Variants in AIG1 observed in about 807,000 individuals in gnomAD.
AIG1 encodes androgen induced 1, also known as androgen-induced gene 1 protein.
A neutral mutation model predicts 31.4 loss-of-function variants in AIG1; 23 were observed. The ratio of observed to expected loss-of-function variants is 0.73; its 90% confidence interval spans 0.53 to 1.04. AIG1 has a LOEUF of 1.04. Among genes scored for constraint, AIG1 ranks in the 50% least tolerant of loss-of-function variants. The probability of loss-of-function intolerance (pLI) is 0.00; values close to 1 mark genes in which losing one functional copy is unlikely to be tolerated. For synonymous variants in AIG1, 100 were observed against 110.5 expected, an observed-to-expected ratio of 0.90 and a Z score of 0.60; for missense variants, 274 against 295.0, an observed-to-expected ratio of 0.93 and a Z score of 0.52.
At chr6:143,316,894 C>A (rs1404294366) in intron 4 of AIG1, among the ~76,000 whole-genome samples, 1 of 151,980 alleles carries the variant, frequency 6.6e-6, no homozygotes, top group Non-Finnish European at 1.5e-5. Flanking sequence ...TGCACACAAA[C>A]TAGAAAACCT....
chr6:143,135,507 T>G (rs1217774164), intron 1 of AIG1, among the ~76,000 whole-genome samples: 1 of 152,152 alleles, frequency 6.6e-6, no homozygotes, highest in African/African-American at 2.4e-5. Context: ...TCTTAGCTTC[T>G]TTTACTCTGG....
At position 143,282,612 on chromosome 6, in the gene AIG1, G is replaced by T. The variant is rs9321896; in HGVS notation, c.400-1498G>T. On this transcript the variant is annotated intron_variant, in intron 3 of 5. Transcript: ENST00000357847. The stretch of plus-strand genomic sequence containing the variant: ...AAGATAAAAGATAAAGAAATATAAA[G>T]CTACCCAACTGTGGAATCACTCACC... Among the ~76,000 whole-genome samples, 1,199 of 152,278 alleles carry T rather than the reference G, an allele frequency of 7.9e-3. 38 individuals carry two copies. Among genetic ancestry groups the T allele is most frequent in the Admixed American group, 0.049 (749 of 15,292 alleles).
At chr6:143,201,568 C>G (rs1398454391) in intron 3 of AIG1, among the ~76,000 whole-genome samples, 2 of 152,128 alleles carry the variant, frequency 1.3e-5, no homozygotes, top group African/African-American at 4.8e-5. Flanking sequence ...ACAGGACTAT[C>G]CTCCGTGGGT....
In AIG1 at chr6:143,334,957, A is replaced by G; in HGVS notation, c.679+1512A>G. 1 of 687,832 alleles carries G rather than the reference A, an allele frequency of 1.5e-6. No individual in the cohort carries two copies. Among genetic ancestry groups the G allele is most frequent in the Non-Finnish European group, 2.2e-6 (1 of 456,412 alleles). The allele number at this position is 687,832 out of a possible 1,614,324, so 42.6% of individuals were successfully genotyped here. A position where few individuals can be genotyped will look rare whatever the true frequency, so the allele number is the denominator to read the frequency against. On this transcript the variant is annotated intron_variant, in intron 5 of 5. Transcript: ENST00000357847. This position sits in a 1 kb window ranked among gnomAD's most constrained non-coding sequence, Gnocchi z 5.1. ...TTTGAATGAGGAGTTAAAAATGAAT[A>G]ATGAAATTAAGGTTTTTTGAATGAT...
At position 143,202,825 on chromosome 6, in the gene AIG1, G is replaced by A. The variant is rs566180709; in HGVS notation, c.399+37642G>A. 1.3e-3 allele frequency among the ~76,000 whole-genome samples: 194 copies of A among 152,252 alleles called. 2 individuals carry two copies. The highest frequency in any genetic ancestry group is 2.9e-3 in the South Asian group (14 of 4,828). ...CAGCATCACAGAGGAGTGGAAGGCC[G>A]CAATCACTAGCGGAGGTGTCCCAGC... On this transcript the variant is annotated intron_variant, in intron 3 of 5. Transcript: ENST00000357847.
Position 143,258,137 on chromosome 6 carries a change from C to T in AIG1, c.400-25973C>T, listed in dbSNP as rs544780259. ...TCTAGGTATCCCTACTGACAAAGGCCGGACATTTCTCACTAGAATTAACCA... is the reference window on the plus strand; with the variant it reads ...TCTAGGTATCCCTACTGACAAAGGCTGGACATTTCTCACTAGAATTAACCA... On this transcript the variant is annotated intron_variant, in intron 3 of 5. Coordinates refer to ENST00000357847, the MANE Select transcript of AIG1 (RefSeq NM_016108.4). The surrounding 1 kb of genome is among the most constrained non-coding windows in gnomAD (Gnocchi z 4.7). Among the ~76,000 whole-genome samples, 4 of 152,098 alleles carry T rather than the reference C, an allele frequency of 2.6e-5. No homozygotes were observed. Among genetic ancestry groups the T allele is most frequent in the Non-Finnish European group, 5.9e-5 (4 of 68,034 alleles).
chr6:143,086,344 C>G lies in AIG1; in HGVS notation c.141+25278C>G, dbSNP rs1041490943. Among the ~76,000 whole-genome samples, 6 of 151,960 alleles carry G rather than the reference C, an allele frequency of 3.9e-5. No homozygotes were observed. The South Asian group carries it at 1.2e-3, about 32-fold the overall frequency. ...TAGGGCACACTTTTTTTCTTTACTA[C>G]TTCTATCTCTCTTTTTCTCTCTTTC... On this transcript the variant is annotated intron_variant, in intron 1 of 5. Transcript: ENST00000357847.
intron 2 of AIG1, among the ~76,000 whole-genome samples, chr6:143,159,252 G>C (rs1786094716): frequency 6.6e-6 from 1 of 152,234 alleles, no homozygotes; most frequent in Non-Finnish European, 1.5e-5. Flanking sequence ...GGACTTGAAG[G>C]AGCAAGACAG....
At chr6:143,116,781 C>T (rs888537367) in intron 1 of AIG1, among the ~76,000 whole-genome samples, 6 of 151,102 alleles carry the variant, frequency 4.0e-5, no homozygotes, top group African/African-American at 1.2e-4. Flanking sequence ...AGTCCAGGGG[C>T]GGCAAGTGGG....
rs1798584690 is a variant in AIG1, at chr6:143,298,348, C to T, written c.515+14123C>T. Among the ~76,000 whole-genome samples the T allele has an allele frequency of 6.6e-6, 1 of 152,212 alleles. No individual in the cohort carries two copies. Among genetic ancestry groups the T allele is most frequent in the Non-Finnish European group, 1.5e-5 (1 of 68,028 alleles). On this transcript the variant is annotated intron_variant, in intron 4 of 5. Coordinates refer to ENST00000357847, the MANE Select transcript of AIG1 (RefSeq NM_016108.4). The surrounding 1 kb of genome is among the most constrained non-coding windows in gnomAD (Gnocchi z 5.1). ...TGTTCCCCTTATTCTCCCTTTGCCA[C>T]ACAAAGTGTCTAGCCACACATGCTA...
chr6:143,284,136 A>C lies in AIG1; in HGVS notation c.426A>C (p.Leu142Phe). The C allele has an allele frequency of 6.2e-7, 1 of 1,613,938 alleles. No homozygotes were observed. The highest frequency in any genetic ancestry group is 8.5e-7 in the Non-Finnish European group (1 of 1,179,890). Reference sequence around the variant, plus strand: ...ACACGACGGTTCTGCCCTTTATATTAATCGAGATGAGGACATCGCACCATC... The same window carrying C: ...ACACGACGGTTCTGCCCTTTATATTCATCGAGATGAGGACATCGCACCATC... ...GMHTTVLPFILIEMRTSHHQY... is the reference protein window; with the variant it reads ...GMHTTVLPFIFIEMRTSHHQY... The change falls in exon 4 of 6, where the codon TTA becomes TTC. Residue 142 changes from leucine to phenylalanine, a missense_variant. Physicochemically the swap from Leu to Phe is conservative, Grantham distance 22. Around this residue, in one of 2 missense-constraint regions of AIG1, gnomAD observed 243 missense variants for 238.5 expected, o/e 1.02. Coordinates refer to ENST00000357847, the MANE Select transcript of AIG1 (RefSeq NM_016108.4). This position sits in a 1 kb window ranked among gnomAD's most constrained non-coding sequence, Gnocchi z 4.4.
intron 4 of AIG1, among the ~76,000 whole-genome samples, chr6:143,302,471 G>A (rs1482683902): frequency 1.3e-5 from 2 of 151,442 alleles, no homozygotes; most frequent in Non-Finnish European, 2.9e-5. Context: ...GAGAATATGC[G>A]GTGTTTGGTT....
In AIG1 at chr6:143,239,023, A is replaced by C. The variant is rs1331207224; in HGVS notation, c.400-45087A>C. On this transcript the variant is annotated intron_variant, in intron 3 of 5. Coordinates refer to ENST00000357847, the MANE Select transcript of AIG1 (RefSeq NM_016108.4). The stretch of plus-strand genomic sequence containing the variant: ...GTCTTTATTGAACTGGCCACCATGA[A>C]ACAAAGATGACTAAGACACAGTCCA... 2.6e-5 allele frequency among the ~76,000 whole-genome samples: 4 copies of C among 152,202 alleles called. No individual in the cohort carries two copies. In the East Asian group the frequency reaches 7.7e-4, roughly 29 times the overall value.
At chr6:143,220,835 T>A (rs1364050378) in intron 3 of AIG1, among the ~76,000 whole-genome samples, 6 of 152,226 alleles carry the variant, frequency 3.9e-5, no homozygotes, top group Admixed American at 3.9e-4. Context: ...TTAAAAGTTC[T>A]TTCTTATCTT....
At chr6:143,260,627 G>A (rs1393832911) in intron 3 of AIG1, among the ~76,000 whole-genome samples, 1 of 152,164 alleles carries the variant, frequency 6.6e-6, no homozygotes, top group East Asian at 1.9e-4. Flanking sequence ...CACTTACCTT[G>A]TGCCAGGTAC....
Position 143,165,003 on chromosome 6 carries a change from T to G in AIG1, c.298-79T>G, listed in dbSNP as rs1191081498. On this transcript the variant is annotated intron_variant, in intron 2 of 5. Transcript: ENST00000357847. ...TAGATTCCAAATTCTGTTGGATTCT[T>G]TCAACTATTGTTAACCAATAAATTG... 2.7e-6 allele frequency: 3 copies of G among 1,117,192 alleles called. No individual in the cohort carries two copies. In the African/African-American group the frequency reaches 4.7e-5, roughly 18 times the overall value. The allele number at this position is 1,117,192 out of a possible 1,614,324, so 69.2% of individuals were successfully genotyped here. A position where few individuals can be genotyped will look rare whatever the true frequency, so the allele number is the denominator to read the frequency against.
chr6:143,141,860 G>C (rs1462050457), intron 2 of AIG1, among the ~76,000 whole-genome samples: 1 of 152,082 alleles, frequency 6.6e-6, no homozygotes, highest in Non-Finnish European at 1.5e-5. Flanking sequence ...TTATGGCTAA[G>C]AGACTAGGCT....
chr6:143,078,024 A>G (rs1401808141), intron 1 of AIG1, among the ~76,000 whole-genome samples: 5 of 152,100 alleles, frequency 3.3e-5, no homozygotes, highest in Middle Eastern at 3.2e-3. Flanking sequence ...TTATCATTCC[A>G]TAGGTTGCTG....
At chr6:143,239,208 C>T (rs904114845) in intron 3 of AIG1, among the ~76,000 whole-genome samples, 4 of 151,960 alleles carry the variant, frequency 2.6e-5, no homozygotes, top group Admixed American at 6.6e-5. Context: ...GGATGTATAG[C>T]GGAAATGACA....
Sources: gnomAD v4.1 joint callset for allele counts (sites outside exome capture counted in the v4.1 genomes callset) on GRCh38, gnomAD v4.1.1 for gene constraint, gnomAD v4.1.1 regional missense constraint, Gnocchi (gnomAD v3.1) non-coding constraint, MANE v1.5 for transcripts, NCBI Gene and HGNC (gene_info 2026-07-23, HGNC 2026-07-21) for gene names.